Variants in CEP128 observed in about 807,000 individuals in gnomAD.
The protein encoded by CEP128 is centrosomal protein 128.
In CEP128, 132 loss-of-function variants were observed where a neutral mutation model predicts 156.7. The ratio of observed to expected loss-of-function variants is 0.84; its 90% confidence interval spans 0.73 to 0.97. The LOEUF (loss-of-function observed/expected upper bound fraction) is 0.97. Ranked by LOEUF, CEP128 falls within the 50% of genes least tolerant of loss-of-function variation. CEP128 has a pLI of 0.00. For missense variants in CEP128, 1,252 were observed against 1,281.9 expected (o/e 0.98, Z 0.36); for synonymous variants, 469 against 448.9 (o/e 1.04, Z -0.57).
At chr14:80,665,667 T>G (rs1448783812) in intron 19 of CEP128, among the ~76,000 whole-genome samples, 3 of 151,824 alleles carry the variant, frequency 2.0e-5, no homozygotes, top group Non-Finnish European at 4.4e-5. Flanking sequence ...TGCTCTTTAT[T>G]CCCTAATCTC....
At chr14:80,681,560 C>T (rs1896324455) in intron 19 of CEP128, among the ~76,000 whole-genome samples, 1 of 152,198 alleles carries the variant, frequency 6.6e-6, no homozygotes, top group Non-Finnish European at 1.5e-5. Context: ...GTAATTGAAT[C>T]ACGGGGGTGG....
chr14:80,656,222 A>C (rs1445631457), intron 19 of CEP128, among the ~76,000 whole-genome samples: 1 of 145,504 alleles, frequency 6.9e-6, no homozygotes, highest in African/African-American at 2.5e-5. Flanking sequence ...AGAAGAAAAA[A>C]AGGTCAATTG....
intron 14 of CEP128, among the ~76,000 whole-genome samples, chr14:80,482,360 G>A (rs566801045): frequency 6.6e-6 from 1 of 152,298 alleles, no homozygotes; most frequent in South Asian, 2.1e-4. Flanking sequence ...TACGGTTCTT[G>A]ACTATTCCAA....
intron 16 of CEP128, among the ~76,000 whole-genome samples, chr14:80,763,432 A>C (rs749833038): frequency 2.6e-5 from 4 of 152,178 alleles, no homozygotes; most frequent in Non-Finnish European, 5.9e-5. Flanking sequence ...TCTGAACAGT[A>C]TTTGATAATT....
chr14:80,904,370 T>C (rs1595570221), intron 6 of CEP128, among the ~76,000 whole-genome samples: 1 of 151,212 alleles, frequency 6.6e-6, no homozygotes, highest in African/African-American at 2.4e-5. Context: ...GAAAGGGGAG[T>C]TGTTGATCAA....
intron 19 of CEP128, among the ~76,000 whole-genome samples, chr14:80,598,047 G>T (rs1259224365): frequency 7.3e-6 from 1 of 137,550 alleles, no homozygotes; most frequent in Non-Finnish European, 1.6e-5. Context: ...AATAAGACAA[G>T]AATACCTACT....
At chr14:80,663,311 G>C (rs951992193) in intron 19 of CEP128, among the ~76,000 whole-genome samples, 3 of 152,160 alleles carry the variant, frequency 2.0e-5, no homozygotes, top group Non-Finnish European at 4.4e-5. Context: ...GATTTCAATA[G>C]GATGGAGGCT....
intron 23 of CEP128, among the ~76,000 whole-genome samples, chr14:80,510,590 T>C (rs1270753711): frequency 6.6e-6 from 1 of 152,100 alleles, no homozygotes; most frequent in Admixed American, 6.5e-5. Flanking sequence ...ATGCCCCTTA[T>C]TTCTTTCTCT....
chr14:80,544,277 GGCT>G (rs1463384900), intron 21 of CEP128, among the ~76,000 whole-genome samples: 1 of 151,986 alleles, frequency 6.6e-6, no homozygotes, highest in Non-Finnish European at 1.5e-5. Flanking sequence ...CTCTTAGTTT[GGCT>G]GCTAAGTAAT....
At chr14:80,748,803 C>T (rs1415844762) in intron 18 of CEP128, among the ~76,000 whole-genome samples, 1 of 152,056 alleles carries the variant, frequency 6.6e-6, no homozygotes, top group African/African-American at 2.4e-5. Context: ...AACATGGGTA[C>T]CGACTCAAGC....
At chr14:80,857,604 G>A (rs1887253409) in intron 9 of CEP128, among the ~76,000 whole-genome samples, 1 of 151,830 alleles carries the variant, frequency 6.6e-6, no homozygotes, top group South Asian at 2.1e-4. Flanking sequence ...AGCTGGGCAT[G>A]GTGATGCCTG....
intron 2 of CEP128, among the ~76,000 whole-genome samples, chr14:80,921,077 T>A (rs1486138486): frequency 2.0e-5 from 3 of 152,184 alleles, no homozygotes; most frequent in Non-Finnish European, 4.4e-5. Flanking sequence ...CATTAAAAAA[T>A]TTGTTTCTGA....
At chr14:80,852,849 G>A (rs1003241996) in intron 9 of CEP128, among the ~76,000 whole-genome samples, 11 of 151,614 alleles carry the variant, frequency 7.3e-5, no homozygotes, top group African/African-American at 1.7e-4. Flanking sequence ...AACCAAAAAC[G>A]TCAGTGCAAG....
intron 19 of CEP128, among the ~76,000 whole-genome samples, chr14:80,582,303 G>A (rs573195816): frequency 1.5e-4 from 23 of 152,240 alleles, no homozygotes; most frequent in African/African-American, 5.1e-4. Context: ...TTTGGTACCC[G>A]GGACTTGCCA....
intron 9 of CEP128, among the ~76,000 whole-genome samples, chr14:80,857,756 C>CA (rs1194054284): frequency 0.023 from 2,802 of 123,372 alleles, 84 homozygotes; most frequent in Non-Finnish European, 0.035. Flanking sequence ...ACAACAACAA[C>CA]AACAACAACA....
intron 14 of CEP128, among the ~76,000 whole-genome samples, 177 bp from the exon 15 acceptor site, chr14:80,785,722 G>A (rs1901374552): frequency 6.6e-6 from 1 of 152,024 alleles, no homozygotes; most frequent in African/African-American, 2.4e-5. Context: ...GAAAGGTGGG[G>A]GGGAATATAT....
chr14:80,643,184 C>T (rs945513733), intron 19 of CEP128, among the ~76,000 whole-genome samples: 4 of 152,204 alleles, frequency 2.6e-5, no homozygotes, highest in African/African-American at 9.6e-5. Flanking sequence ...TCAGGAAAAT[C>T]AAGTGGCAAA....
At chr14:80,920,105 G>A (rs747456675) in intron 2 of CEP128, among the ~76,000 whole-genome samples, 9 of 152,110 alleles carry the variant, frequency 5.9e-5, no homozygotes, top group Admixed American at 3.9e-4. Context: ...TTACATTGTT[G>A]ATAAAAATCT....
intron 19 of CEP128, among the ~76,000 whole-genome samples, chr14:80,670,940 T>C (rs1895815536): frequency 2.0e-5 from 3 of 152,216 alleles, no homozygotes; most frequent in Non-Finnish European, 4.4e-5. Flanking sequence ...TTTATATAAA[T>C]TTGATTCAAT....
Sources: gnomAD v4.1 joint callset for allele counts (sites outside exome capture counted in the v4.1 genomes callset) on GRCh38, gnomAD v4.1.1 for gene constraint, MANE v1.5 for transcripts, NCBI Gene and HGNC (gene_info 2026-07-23, HGNC 2026-07-21) for gene names.